Variants in LPAR3 observed in about 807,000 individuals in gnomAD.
LPAR3 encodes LPA receptor 3.
In LPAR3, 7 loss-of-function variants were observed where a neutral mutation model predicts 17.8. The ratio of observed to expected loss-of-function variants is 0.39; its 90% CI spans 0.22 to 0.74. The LOEUF is 0.74. LPAR3 is among the 30% of genes least tolerant of loss of function. LPAR3 has a pLI of 0.40. For missense variants in LPAR3, 391 were observed against 453.4 expected (o/e 0.86, Z 1.25); for synonymous variants, 179 against 179.9 (o/e 0.99, Z 0.04).
intron 2 of LPAR3, among the ~76,000 whole-genome samples, chr1:84,823,126 T>G (rs1274065338): frequency 6.6e-6 from 1 of 152,198 alleles, no homozygotes; most frequent in African/African-American, 2.4e-5. Flanking sequence ...TAGGGAGGCA[T>G]TCTTCTTATT....
chr1:84,836,338 T>TAA (rs77497063), intron 2 of LPAR3, among the ~76,000 whole-genome samples: 53,211 of 128,828 alleles, frequency 0.41, 11,233 homozygotes, highest in East Asian at 0.54. Flanking sequence ...ATCCTGTCTT[T>TAA]AAAAAAAAAA....
chr1:84,825,325 C>T (rs1390486475), intron 2 of LPAR3, among the ~76,000 whole-genome samples: 1 of 152,200 alleles, frequency 6.6e-6, no homozygotes, highest in East Asian at 1.9e-4. Context: ...TATTCAATAT[C>T]TAACATGCAA....
intron 2 of LPAR3, among the ~76,000 whole-genome samples, chr1:84,815,026 C>G (rs748944910): frequency 1.3e-5 from 2 of 152,166 alleles, no homozygotes; most frequent in Non-Finnish European, 1.5e-5. Flanking sequence ...ATAGCAATAA[C>G]GACTCATCTT....
chr1:84,859,728 A>G (rs1250141384), intron 2 of LPAR3, among the ~76,000 whole-genome samples: 1 of 152,240 alleles, frequency 6.6e-6, no homozygotes, highest in Non-Finnish European at 1.5e-5. Context: ...TCACTAAAGG[A>G]CAGGAGGGTT....
At chr1:84,817,293 C>CACACA (rs1658954873) in intron 2 of LPAR3, among the ~76,000 whole-genome samples, 1 of 103,570 alleles carries the variant, frequency 9.7e-6, no homozygotes, top group Non-Finnish European at 2.1e-5. Context: ...ACACACACAC[C>CACACA]CCTCACTTTT....
chr1:84,883,614 A>G lies in LPAR3; in HGVS notation c.-19+9402T>C, dbSNP rs142360556. Among the ~76,000 whole-genome samples the G allele has an allele frequency of 1.3e-4, 20 of 152,352 alleles. No homozygotes were observed. In the East Asian group the frequency reaches 3.9e-3, roughly 29 times the overall value. On this transcript the variant is annotated intron_variant, in intron 1 of 2. Transcript: ENST00000370611. ...CATCTCTTTCCCCATTTGATCCCAC[A>G]GTGAGATGGGCAGTTCAGCATTCTC... is the stretch of plus-strand genomic sequence containing the variant.
chr1:84,877,489 G>A (rs1660280975), intron 1 of LPAR3, among the ~76,000 whole-genome samples: 1 of 152,112 alleles, frequency 6.6e-6, no homozygotes, highest in Admixed American at 6.5e-5. Context: ...ACAGAGAAGG[G>A]GGCTCAGGAA....
intron 1 of LPAR3, among the ~76,000 whole-genome samples, chr1:84,867,646 TA>T (rs901424581): frequency 4.8e-4 from 73 of 151,756 alleles, no homozygotes; most frequent in African/African-American, 1.8e-3. Flanking sequence ...TTTATATGCT[TA>T]AAAAAAACTG....
At chr1:84,829,957 G>A (rs1392992278) in intron 2 of LPAR3, among the ~76,000 whole-genome samples, 7 of 152,030 alleles carry the variant, frequency 4.6e-5, no homozygotes, top group Admixed American at 4.6e-4. Context: ...AGAGAAGAAA[G>A]GCTGCTCTTT....
At chr1:84,838,432 C>A (rs905976183) in intron 2 of LPAR3, among the ~76,000 whole-genome samples, 3 of 152,162 alleles carry the variant, frequency 2.0e-5, no homozygotes, top group African/African-American at 4.8e-5. Flanking sequence ...TCACTGTACA[C>A]CCAGTTGTCC....
chr1:84,814,046 C>T lies in LPAR3; in HGVS notation c.862G>A (p.Val288Met), dbSNP rs58970370. The change falls in exon 3 of 3, where the codon GTG becomes ATG. Residue 288 changes from valine (V) to methionine (M), a missense_variant. Val to Met is a conservative substitution (Grantham distance 21). Transcript: ENST00000370611. ...FLLLALLNSV[V>M]NPIIYSYKDE... ...TTGTAGGAGTAGATGATGGGGTTCA[C>T]GACGGAGTTGAGCAGCGCCAGCAGC... The T allele has an allele frequency of 2.2e-3, 3,507 of 1,614,082 alleles. 67 individuals carry two copies. The African/African-American group carries it at 0.041, about 19-fold the overall frequency.
intron 1 of LPAR3, 87 bp downstream of exon 1, chr1:84,892,929 G>A (rs1570914619): frequency 6.6e-6 from 1 of 152,514 alleles, no homozygotes; most frequent in East Asian, 1.9e-4. Flanking sequence ...GAGCCCTGCA[G>A]GCGCCGCTGC....
intron 2 of LPAR3, among the ~76,000 whole-genome samples, chr1:84,816,373 A>G (rs993037199): frequency 2.6e-5 from 4 of 152,204 alleles, no homozygotes; most frequent in Non-Finnish European, 5.9e-5. Flanking sequence ...AGAGTTCAGA[A>G]GCCGCTTAGC....
At chr1:84,877,449 A>G (rs1464026735) in intron 1 of LPAR3, among the ~76,000 whole-genome samples, 1 of 152,200 alleles carries the variant, frequency 6.6e-6, no homozygotes, top group East Asian at 1.9e-4. Context: ...ACAGTCCCCA[A>G]GTAGACAAAG....
chr1:84,817,999 T>C (rs551587313), intron 2 of LPAR3, among the ~76,000 whole-genome samples: 156 of 152,316 alleles, frequency 1.0e-3, no homozygotes, highest in African/African-American at 3.6e-3. Context: ...GTCAGGAACA[T>C]GGCTCTGGTG....
chr1:84,847,546 A>C (rs1659615289), intron 2 of LPAR3, among the ~76,000 whole-genome samples: 2 of 152,226 alleles, frequency 1.3e-5, no homozygotes, highest in African/African-American at 4.8e-5. Context: ...CAACAAGCCC[A>C]GGAAGCAAGT....
chr1:84,882,840 A>G (rs1660390423), intron 1 of LPAR3, among the ~76,000 whole-genome samples: 1 of 152,270 alleles, frequency 6.6e-6, no homozygotes, highest in Non-Finnish European at 1.5e-5. Context: ...TGGTGCTAGA[A>G]AAAAATAGAT....
At chr1:84,850,295 C>A (rs1411782080) in intron 2 of LPAR3, among the ~76,000 whole-genome samples, 1 of 150,222 alleles carries the variant, frequency 6.7e-6, no homozygotes, top group Non-Finnish European at 1.5e-5. Flanking sequence ...CACTGGCTCA[C>A]GCCTGTACCC....
chr1:84,884,694 A>G (rs1424498470), intron 1 of LPAR3, among the ~76,000 whole-genome samples: 1 of 152,242 alleles, frequency 6.6e-6, no homozygotes, highest in Non-Finnish European at 1.5e-5. Flanking sequence ...AGAGTATATC[A>G]GCTGAAATAG....
Sources: allele counts gnomAD v4.1 joint callset (sites outside exome capture counted in the v4.1 genomes callset), GRCh38; gene constraint gnomAD v4.1.1; transcripts MANE v1.5; gene names NCBI Gene and HGNC (gene_info 2026-07-23, HGNC 2026-07-21).